SPAG16: variants seen among roughly 807,000 people sequenced by gnomAD.
SPAG16 encodes sperm associated antigen 16.
Under a neutral mutation model 80.4 loss-of-function variants are expected in SPAG16, and 86 were observed. That is an observed-to-expected ratio of 1.07 (90% confidence interval 0.90 to 1.28). The LOEUF (loss-of-function observed/expected upper bound fraction) is 1.28, where lower values mean the gene tolerates loss of function less well. Ranked by LOEUF, SPAG16 falls within the 50% of genes most tolerant of loss-of-function variation. SPAG16 has a pLI of 0.00. For missense variants in SPAG16, 870 were observed against 765.3 expected (o/e 1.14, Z -1.61); for synonymous variants, 294 against 265.9 (o/e 1.11, Z -1.03).
chr2:213,701,881 C>T (rs564835248), intron 10 of SPAG16, among the ~76,000 whole-genome samples: 1 of 152,072 alleles, frequency 6.6e-6, no homozygotes, highest in Non-Finnish European at 1.5e-5. Context: ...AAGCAGCACT[C>T]TGTGTCTAGC....
rs2050600905 is a variant in SPAG16 at position 214,067,774 on chromosome 2, T to G, written c.1528-40422T>G. Among the ~76,000 whole-genome samples the G allele has an allele frequency of 2.0e-5, 3 of 152,130 alleles. No homozygotes were observed. In the South Asian group the frequency reaches 6.2e-4, roughly 32 times the overall value. ...AATATTATTTTCATGCTATCAAACG[T>G]CCTAAGTAAATGTCATTGTGGTTTC... is the stretch of plus-strand genomic sequence containing the variant. On this transcript the variant is annotated intron_variant, in intron 13 of 15. Transcript: ENST00000331683.
At chr2:213,304,042 A>G (rs930520591) in intron 3 of SPAG16, among the ~76,000 whole-genome samples, 13 of 152,096 alleles carry the variant, frequency 8.5e-5, no homozygotes, top group African/African-American at 2.7e-4. Context: ...CCTTGCCAGC[A>G]TTCATTATTG....
At chr2:213,960,374 A>T (rs894356675) in intron 12 of SPAG16, among the ~76,000 whole-genome samples, 3 of 151,776 alleles carry the variant, frequency 2.0e-5, no homozygotes, top group South Asian at 2.1e-4. Context: ...AGTCTTTTTT[A>T]GGGACAATTT....
chr2:214,083,595 A>G (rs2051526347), intron 13 of SPAG16, among the ~76,000 whole-genome samples: 1 of 152,172 alleles, frequency 6.6e-6, no homozygotes, highest in African/African-American at 2.4e-5. Context: ...GAACAGACTC[A>G]ACTAATTAAC....
chr2:213,743,438 G>C (rs995441475), intron 10 of SPAG16, among the ~76,000 whole-genome samples: 2 of 152,140 alleles, frequency 1.3e-5, no homozygotes, highest in African/African-American at 4.8e-5. Context: ...TATCTTTTAT[G>C]TTCCCTTTGT....
At chr2:214,017,234 T>C (rs917102838) in intron 13 of SPAG16, among the ~76,000 whole-genome samples, 1 of 152,146 alleles carries the variant, frequency 6.6e-6, no homozygotes, top group African/African-American at 2.4e-5. Context: ...GGTCCGACAA[T>C]CTCCTCCTTG....
At chr2:213,839,549 C>T (rs1031901728) in intron 10 of SPAG16, among the ~76,000 whole-genome samples, 9 of 152,104 alleles carry the variant, frequency 5.9e-5, no homozygotes, top group Non-Finnish European at 1.2e-4. Flanking sequence ...AAGTTGCAAA[C>T]TTTGAAAACA....
chr2:213,482,194 G>A (rs1391191729), intron 9 of SPAG16, among the ~76,000 whole-genome samples: 1 of 152,236 alleles, frequency 6.6e-6, no homozygotes, highest in Admixed American at 6.5e-5. Flanking sequence ...CTGGATGGGA[G>A]TTCCTGCCCC....
intron 12 of SPAG16, among the ~76,000 whole-genome samples, chr2:213,976,135 T>TATATATACACACACACACACAC (rs749957411): frequency 8.6e-5 from 7 of 81,404 alleles, no homozygotes; most frequent in African/African-American, 2.3e-4. Flanking sequence ...TATATATATA[T>TATATATACACACACACACACAC]ACACACACAC....
At chr2:214,341,044 T>TAC (rs1230800677) in intron 15 of SPAG16, among the ~76,000 whole-genome samples, 2 of 152,174 alleles carry the variant, frequency 1.3e-5, no homozygotes, top group Non-Finnish European at 2.9e-5. Context: ...ATTTAAGTAA[T>TAC]ACACTCAGAA....
At chr2:213,501,067 G>C (rs1325928880) in intron 10 of SPAG16, among the ~76,000 whole-genome samples, 1 of 152,178 alleles carries the variant, frequency 6.6e-6, no homozygotes, top group Non-Finnish European at 1.5e-5. Context: ...TCTAACCCTG[G>C]TTAGCTTCCA....
At chr2:213,337,004 C>T (rs1377390130) in intron 5 of SPAG16, among the ~76,000 whole-genome samples, 1 of 152,188 alleles carries the variant, frequency 6.6e-6, no homozygotes, top group Non-Finnish European at 1.5e-5. Context: ...TGGGACACAG[C>T]TTCCAGAGGA....
At chr2:213,501,384 T>A (rs1286526867) in intron 10 of SPAG16, among the ~76,000 whole-genome samples, 1 of 152,154 alleles carries the variant, frequency 6.6e-6, no homozygotes, top group Non-Finnish European at 1.5e-5. Flanking sequence ...ATAGAAAGAA[T>A]TTACCTGCAT....
At chr2:213,421,628 C>T (rs917179232) in intron 9 of SPAG16, among the ~76,000 whole-genome samples, 2 of 152,200 alleles carry the variant, frequency 1.3e-5, no homozygotes, top group African/African-American at 4.8e-5. Context: ...CTGGGCCCAC[C>T]TATGGCCACC....
At chr2:213,578,588 G>T (rs1251008205) in intron 10 of SPAG16, among the ~76,000 whole-genome samples, 1 of 151,994 alleles carries the variant, frequency 6.6e-6, no homozygotes, top group Non-Finnish European at 1.5e-5. Flanking sequence ...CTTAAGACAT[G>T]GGTTGTTTAA....
intron 15 of SPAG16, among the ~76,000 whole-genome samples, chr2:214,304,403 A>G (rs1212572732): frequency 6.6e-6 from 1 of 152,242 alleles, no homozygotes; most frequent in Non-Finnish European, 1.5e-5. Flanking sequence ...ACCACAAACA[A>G]TAGCATGAGA....
intron 11 of SPAG16, among the ~76,000 whole-genome samples, chr2:213,923,058 G>A (rs974138444): frequency 6.6e-6 from 1 of 152,142 alleles, no homozygotes; most frequent in Non-Finnish European, 1.5e-5. Context: ...GGTGAGTGGA[G>A]TTGCCTACCC....
At chr2:213,946,296 A>C (rs1425889956) in intron 12 of SPAG16, among the ~76,000 whole-genome samples, 3 of 152,146 alleles carry the variant, frequency 2.0e-5, no homozygotes, top group Middle Eastern at 6.8e-3. Flanking sequence ...TCTATTTTGA[A>C]TAGAGACGGG....
At chr2:213,831,942 G>A (rs771550943) in intron 10 of SPAG16, among the ~76,000 whole-genome samples, 3 of 151,918 alleles carry the variant, frequency 2.0e-5, no homozygotes, top group Non-Finnish European at 4.4e-5. Flanking sequence ...CCATGCTGTT[G>A]AACACTGGGC....
Sources: allele counts gnomAD v4.1 joint callset (sites outside exome capture counted in the v4.1 genomes callset), GRCh38; gene constraint gnomAD v4.1.1; transcripts MANE v1.5; gene names NCBI Gene and HGNC (gene_info 2026-07-23, HGNC 2026-07-21).